Variants in AOAH observed in about 807,000 individuals in gnomAD.
AOAH encodes acyloxyacyl hydrolase, also known as acyloxyacyl hydrolase (neutrophil).
Under a neutral mutation model 92.2 loss-of-function variants are expected in AOAH, and 64 were observed. The observed-to-expected ratio is 0.69, with a 90% CI of 0.57 to 0.86. The LOEUF (loss-of-function observed/expected upper bound fraction) is 0.86. Among genes scored for constraint, AOAH ranks in the 40% least tolerant of loss-of-function variants. The pLI is 0.00. For missense variants in AOAH, 656 were observed against 694.6 expected (o/e 0.94, Z 0.62); for synonymous variants, 263 against 254.5 (o/e 1.03, Z -0.32).
At chr7:36,643,538 T>C (rs776191719) in intron 4 of AOAH, among the ~76,000 whole-genome samples, 4 of 152,292 alleles carry the variant, frequency 2.6e-5, no homozygotes, top group Non-Finnish European at 2.9e-5. Flanking sequence ...GTGGCAGCTA[T>C]ATGAGTGGTA....
chr7:36,646,941 T>C (rs1467883308), intron 4 of AOAH, among the ~76,000 whole-genome samples: 1 of 152,224 alleles, frequency 6.6e-6, no homozygotes, highest in Non-Finnish European at 1.5e-5. Flanking sequence ...CAGACACAGT[T>C]ACGAGGGACT....
In AOAH at chr7:36,632,024, T is replaced by C; in HGVS notation, c.521+12A>G. On this transcript the variant is annotated intron_variant, in intron 6 of 20. Coordinates refer to ENST00000617537, the MANE Select transcript of AOAH (RefSeq NM_001637.4). Reference sequence around the variant, plus strand: ...ATGCTAGTGCTCAGGAAGGTAGAAATTGTATACATACAATTTAATTTTCTG... The same window carrying C: ...ATGCTAGTGCTCAGGAAGGTAGAAACTGTATACATACAATTTAATTTTCTG... The C allele has an allele frequency of 3.1e-6, 5 of 1,603,508 alleles. No individual in the cohort carries two copies. Among genetic ancestry groups the C allele is most frequent in the South Asian group, 2.2e-5 (2 of 89,142 alleles).
At chr7:36,654,721 A>G (rs1344020461) in intron 4 of AOAH, among the ~76,000 whole-genome samples, 3 of 152,204 alleles carry the variant, frequency 2.0e-5, no homozygotes, top group Admixed American at 2.0e-4. Context: ...TAGAGCGTGC[A>G]GAGTCCTGCT....
intron 2 of AOAH, among the ~76,000 whole-genome samples, chr7:36,681,581 G>T (rs1350826573): frequency 6.6e-6 from 1 of 152,124 alleles, no homozygotes; most frequent in Non-Finnish European, 1.5e-5. Context: ...GAGGCGGGCA[G>T]ATCACCTGAG....
chr7:36,639,608 G>A (rs900622139), intron 4 of AOAH, among the ~76,000 whole-genome samples: 1 of 152,218 alleles, frequency 6.6e-6, no homozygotes, highest in Non-Finnish European at 1.5e-5. Flanking sequence ...AATGATGGGT[G>A]ATAACTTTTT....
At chr7:36,660,289 A>G (rs138817491) in intron 3 of AOAH, among the ~76,000 whole-genome samples, 14 of 137,824 alleles carry the variant, frequency 1.0e-4, no homozygotes, top group African/African-American at 2.5e-4. Flanking sequence ...AGTCTCCCCA[A>G]TTATTTGGGA....
In AOAH at chr7:36,711,599, T is replaced by C. The variant is rs1798772060; in HGVS notation, c.127+12423A>G. Among the ~76,000 whole-genome samples the C allele has an allele frequency of 2.0e-5, 3 of 152,068 alleles. No individual in the cohort carries two copies. The South Asian group carries it at 6.2e-4, about 32-fold the overall frequency. On this transcript the variant is annotated intron_variant, in intron 1 of 20. Coordinates refer to ENST00000617537, the MANE Select transcript of AOAH (RefSeq NM_001637.4). ...CATTTGTGCTAAAGTTGGGGTTAAA[T>C]GCAATGATAATTTAAAAATAAAGGT...
intron 16 of AOAH, among the ~76,000 whole-genome samples, chr7:36,534,650 ATCTTTGTT>A (rs70977161): frequency 0.02 from 3,081 of 152,246 alleles, 45 homozygotes; most frequent in Non-Finnish European, 0.029. Flanking sequence ...ATTACCTTTT[ATCTTTGTT>A]TCTTTAATGT....
In AOAH at chr7:36,622,933, C is replaced by T. The variant is rs575420039; in HGVS notation, c.582+257G>A. ...TGGTGGTGCATGCCTGTAATCCCAG[C>T]TACTTGGGAGGCACGAGAAGTACTT... is the stretch of plus-strand genomic sequence containing the variant. On this transcript the variant is annotated intron_variant, in intron 7 of 20. Transcript: ENST00000617537. Among the ~76,000 whole-genome samples, 30 of 152,228 alleles carry T rather than the reference C, an allele frequency of 2.0e-4. No individual in the cohort carries two copies. In the South Asian group the frequency reaches 5.8e-3, roughly 29 times the overall value.
chr7:36,625,872 A>G (rs1012603841), intron 6 of AOAH, among the ~76,000 whole-genome samples: 1 of 152,152 alleles, frequency 6.6e-6, no homozygotes, highest in South Asian at 2.1e-4. Flanking sequence ...TCCTGCTCTG[A>G]TGCTCCAGGG....
At chr7:36,594,473 A>G (rs1789969123) in intron 11 of AOAH, 43 bp from the exon 12 acceptor site, 2 of 1,530,270 alleles carry the variant, frequency 1.3e-6, no homozygotes, top group Admixed American at 1.7e-5. Flanking sequence ...ATGGTCATTT[A>G]TTTTCTAAAG....
At chr7:36,557,508 TTTCCTGAATCTGA>T (rs1786836486) in intron 13 of AOAH, among the ~76,000 whole-genome samples, 1 of 152,160 alleles carries the variant, frequency 6.6e-6, no homozygotes, top group South Asian at 2.1e-4. Flanking sequence ...GTTCTCTGTA[TTTCCTGAATCTGA>T]ATGTTGGCCT....
chr7:36,634,121 T>G (rs1038445713), intron 5 of AOAH, among the ~76,000 whole-genome samples: 5 of 152,116 alleles, frequency 3.3e-5, no homozygotes, highest in Admixed American at 6.5e-5. Flanking sequence ...AGTAGCTGAC[T>G]AAGATCAGGA....
At chr7:36,649,157 T>G (rs1055010431) in intron 4 of AOAH, among the ~76,000 whole-genome samples, 2 of 152,220 alleles carry the variant, frequency 1.3e-5, no homozygotes, top group Non-Finnish European at 2.9e-5. Context: ...CAAGTTCAGG[T>G]GGGCTGGCAC....
chr7:36,606,768 AAAAC>A (rs1791036164), intron 11 of AOAH, among the ~76,000 whole-genome samples: 2 of 152,178 alleles, frequency 1.3e-5, no homozygotes, highest in East Asian at 3.8e-4. Context: ...AAGAAGAAAA[AAAAC>A]AAAACCAGCA....
chr7:36,621,685 A>G (rs757196449), intron 8 of AOAH, 25 bp downstream of exon 8: 43 of 1,612,064 alleles, frequency 2.7e-5, no homozygotes, highest in Non-Finnish European at 3.6e-5. Context: ...AATTTTAAAA[A>G]TCAGCAACCA....
chr7:36,601,371 G>A (rs78848405), intron 11 of AOAH, among the ~76,000 whole-genome samples: 2 of 149,718 alleles, frequency 1.3e-5, no homozygotes, highest in Non-Finnish European at 3.0e-5. Flanking sequence ...GGGAGGGAGA[G>A]GGGGGAAGGG....
chr7:36,551,000 C>T (rs1234920210), intron 13 of AOAH, among the ~76,000 whole-genome samples: 2 of 151,942 alleles, frequency 1.3e-5, no homozygotes, highest in African/African-American at 4.8e-5. Flanking sequence ...TTGGTTGATT[C>T]AGGAAATGTT....
At chr7:36,523,105 G>A (rs556991783) in intron 19 of AOAH, among the ~76,000 whole-genome samples, 1 of 152,224 alleles carries the variant, frequency 6.6e-6, no homozygotes, top group African/African-American at 2.4e-5. Context: ...CATTCCCCAG[G>A]GGCTGAGGAT....
Sources: gnomAD v4.1 joint callset for allele counts (sites outside exome capture counted in the v4.1 genomes callset) on GRCh38, gnomAD v4.1.1 for gene constraint, MANE v1.5 for transcripts, NCBI Gene and HGNC (gene_info 2026-07-23, HGNC 2026-07-21) for gene names.